The following SSH2 variants were observed in gnomAD, a reference collection of about 807,000 sequenced individuals.
SSH2 encodes the protein slingshot protein phosphatase 2, also known as protein phosphatase Slingshot homolog 2.
A neutral mutation model predicts 135.2 loss-of-function variants in SSH2; 37 were observed. That is an observed-to-expected ratio of 0.27 (90% CI 0.21 to 0.36). The LOEUF (loss-of-function observed/expected upper bound fraction) is 0.36. SSH2 is among the 10% of genes least tolerant of loss of function. The pLI is 1.00. For synonymous variants in SSH2, 628 were observed against 646.2 expected (o/e 0.97, Z 0.43); for missense variants, 1,408 against 1,765.3 (o/e 0.80, Z 3.63).
chr17:29,864,509 A>G (rs2065820369), intron 1 of SSH2, among the ~76,000 whole-genome samples: 1 of 151,692 alleles, frequency 6.6e-6, no homozygotes, highest in African/African-American at 2.4e-5. Context: ...ATTGCAACTA[A>G]CGGTGATAAG....
At chr17:29,715,507 A>C (rs571929772) in intron 3 of SSH2, among the ~76,000 whole-genome samples, 2 of 152,146 alleles carry the variant, frequency 1.3e-5, no homozygotes, top group Admixed American at 1.3e-4. Context: ...AGCCTCCCAA[A>C]GTGCTGCGAT....
At chr17:29,855,243 T>C (rs986749037) in intron 1 of SSH2, among the ~76,000 whole-genome samples, 3 of 152,170 alleles carry the variant, frequency 2.0e-5, no homozygotes, top group Admixed American at 2.0e-4. Context: ...GGCCCATGCC[T>C]GTAATCCCAA....
intron 3 of SSH2, among the ~76,000 whole-genome samples, chr17:29,768,300 T>C (rs566739312): frequency 6.6e-6 from 1 of 150,502 alleles, no homozygotes; most frequent in African/African-American, 2.4e-5. Flanking sequence ...TTTTTTTTTT[T>C]TTTTTTTTTT....
intron 3 of SSH2, among the ~76,000 whole-genome samples, chr17:29,779,095 T>G (rs749448730): frequency 6.6e-6 from 1 of 151,898 alleles, no homozygotes; most frequent in Non-Finnish European, 1.5e-5. Context: ...CTAATTTTTT[T>G]TCTAACGGAA....
chr17:29,746,162 T>C (rs2040752455), intron 3 of SSH2, among the ~76,000 whole-genome samples: 1 of 152,158 alleles, frequency 6.6e-6, no homozygotes, highest in Non-Finnish European at 1.5e-5. Context: ...TGAATCCATT[T>C]ATTTCACTCA....
chr17:29,826,851 G>A (rs1292735551), intron 2 of SSH2, among the ~76,000 whole-genome samples: 1 of 152,138 alleles, frequency 6.6e-6, no homozygotes, highest in African/African-American at 2.4e-5. Flanking sequence ...CCATCCAGTG[G>A]TAGAAAAGCA....
At chr17:29,787,879 A>T (rs1028384880) in intron 3 of SSH2, 2 of 152,022 alleles carry the variant, frequency 1.3e-5, no homozygotes, top group Non-Finnish European at 2.9e-5. Flanking sequence ...CAGGTGTGTG[A>T]CACCACACCT....
intron 3 of SSH2, among the ~76,000 whole-genome samples, chr17:29,743,365 ATATT>A (rs1402578186): frequency 6.6e-6 from 1 of 151,970 alleles, no homozygotes; most frequent in Non-Finnish European, 1.5e-5. Context: ...CTGACATTCA[ATATT>A]TATTTGTTGA....
At chr17:29,641,438 T>TGAA (rs2036155841) in intron 14 of SSH2, among the ~76,000 whole-genome samples, 1 of 152,222 alleles carries the variant, frequency 6.6e-6, no homozygotes, top group Non-Finnish European at 1.5e-5. Context: ...AGAGTTGGTC[T>TGAA]GTATCCTGGA....
At chr17:29,884,257 C>T (rs777359759) in intron 1 of SSH2, among the ~76,000 whole-genome samples, 2 of 152,180 alleles carry the variant, frequency 1.3e-5, no homozygotes, top group Admixed American at 6.6e-5. Flanking sequence ...TTTGTATTAT[C>T]GAATTTCTCA....
At chr17:29,722,214 T>TA (rs1257867509) in intron 3 of SSH2, among the ~76,000 whole-genome samples, 3 of 148,140 alleles carry the variant, frequency 2.0e-5, no homozygotes, top group Non-Finnish European at 4.4e-5. Context: ...GTGGAGGTTG[T>TA]AGTGAGCCGA....
rs1177403311 is a variant in SSH2, at chr17:29,854,553, G to A, written c.64-5624C>T. On this transcript the variant is annotated intron_variant, in intron 1 of 15. Coordinates refer to ENST00000540801, the MANE Select transcript of SSH2 (RefSeq NM_001282129.2). ...AAATGTTGCAATTTTTATATGGACT[G>A]TATGATGCAAGAACTCATGTACTAA... Among the ~76,000 whole-genome samples the A allele has an allele frequency of 3.9e-5, 6 of 151,916 alleles. No individual in the cohort carries two copies. In the East Asian group the frequency reaches 9.6e-4, roughly 24 times the overall value.
intron 1 of SSH2, among the ~76,000 whole-genome samples, chr17:29,909,940 T>C (rs2066735218): frequency 6.6e-6 from 1 of 152,070 alleles, no homozygotes; most frequent in Admixed American, 6.6e-5. Context: ...TCTATCATTG[T>C]TGTTGTTATT....
intron 5 of SSH2, among the ~76,000 whole-genome samples, chr17:29,686,351 T>C (rs2038220106): frequency 6.6e-6 from 1 of 151,904 alleles, no homozygotes. Flanking sequence ...TTAATAATAG[T>C]TTTAAAATGA....
intron 1 of SSH2, among the ~76,000 whole-genome samples, chr17:29,882,706 C>T (rs1368382426): frequency 2.6e-5 from 4 of 152,142 alleles, no homozygotes; most frequent in South Asian, 2.1e-4. Flanking sequence ...GAGCTGAGAT[C>T]GCACCACTGC....
chr17:29,648,008 G>T, intron 14 of SSH2, 136 bp downstream of exon 14: 1 of 852,584 alleles, frequency 1.2e-6, no homozygotes, highest in South Asian at 1.7e-5. Flanking sequence ...TTGAAAACTG[G>T]ATTGATAGAG....
intron 1 of SSH2, among the ~76,000 whole-genome samples, chr17:29,917,982 C>A (rs2066912999): frequency 6.6e-6 from 1 of 151,874 alleles, no homozygotes; most frequent in Non-Finnish European, 1.5e-5. Context: ...GAGTTTGAGA[C>A]CAGCCTAGGC....
At chr17:29,727,408 G>A (rs1176391051) in intron 3 of SSH2, among the ~76,000 whole-genome samples, 1 of 152,180 alleles carries the variant, frequency 6.6e-6, no homozygotes, top group Admixed American at 6.5e-5. Flanking sequence ...GCTAAATTAA[G>A]TAATCCATTA....
intron 1 of SSH2, among the ~76,000 whole-genome samples, chr17:29,894,134 A>T (rs2066400628): frequency 1.3e-5 from 2 of 152,064 alleles, no homozygotes; most frequent in Admixed American, 1.3e-4. Context: ...TTACTGTGTA[A>T]GCTTGGATCT....
Sources: allele counts gnomAD v4.1 joint callset (sites outside exome capture counted in the v4.1 genomes callset), GRCh38; gene constraint gnomAD v4.1.1; transcripts MANE v1.5; gene names NCBI Gene and HGNC (gene_info 2026-07-23, HGNC 2026-07-21).